The following HELZ variants were observed in gnomAD, a reference collection of about 807,000 sequenced individuals.
The protein encoded by HELZ is helicase with zinc finger.
A neutral mutation model predicts 218.2 loss-of-function variants in HELZ; 23 were observed. The ratio of observed to expected loss-of-function variants is 0.11; its 90% CI spans 0.08 to 0.15. HELZ has a LOEUF of 0.15. Among genes scored for constraint, HELZ ranks in the 10% least tolerant of loss-of-function variants. HELZ has a pLI of 1.00. For missense variants in HELZ, 1,813 were observed against 2,353.7 expected (o/e 0.77, Z 4.75); for synonymous variants, 814 against 829.4 (o/e 0.98, Z 0.32).
At position 67,196,428 on chromosome 17, in the gene HELZ, G is replaced by A. The variant is rs185681552; in HGVS notation, c.430-958C>T. 1.2e-4 allele frequency among the ~76,000 whole-genome samples: 18 copies of A among 152,314 alleles called. No individual in the cohort carries two copies. In the East Asian group the frequency reaches 3.3e-3, roughly 28 times the overall value. Reference sequence around the variant, plus strand: ...TATTTTACATGCTAGATCGTTATCAGCGATATACACATCTGCTGTCAGCAG... The same window carrying A: ...TATTTTACATGCTAGATCGTTATCAACGATATACACATCTGCTGTCAGCAG... On this transcript the variant is annotated intron_variant, in intron 7 of 32. Coordinates refer to ENST00000358691, the MANE Select transcript of HELZ (RefSeq NM_014877.4).
At chr17:67,154,466 G>T (rs1441144818) in intron 17 of HELZ, among the ~76,000 whole-genome samples, 3 of 151,960 alleles carry the variant, frequency 2.0e-5, no homozygotes, top group African/African-American at 7.2e-5. Flanking sequence ...TAAAATAAAA[G>T]AGTAATTCTT....
intron 31 of HELZ, among the ~76,000 whole-genome samples, chr17:67,094,861 G>A (rs1164084588): frequency 1.3e-5 from 2 of 152,088 alleles, no homozygotes; most frequent in Non-Finnish European, 2.9e-5. Context: ...GTGATTCTCT[G>A]GCTAAAAAAC....
chr17:67,195,247 G>C (rs552409171), intron 8 of HELZ, among the ~76,000 whole-genome samples, 172 bp downstream of exon 8: 1 of 152,248 alleles, frequency 6.6e-6, no homozygotes, highest in African/African-American at 2.4e-5. Context: ...ATGAAAAGGT[G>C]CCAGGGAGAA....
At chr17:67,225,345 G>A (rs528754104) in intron 3 of HELZ, 3 of 167,968 alleles carry the variant, frequency 1.8e-5, no homozygotes, top group South Asian at 3.0e-4. Context: ...GACAGAGGCA[G>A]GATTCAAATC....
In HELZ at chr17:67,109,687, C is replaced by A. The variant is rs1488671714; in HGVS notation, c.3919-1G>T. On this transcript the variant is annotated splice_acceptor_variant, in intron 28 of 32. Coordinates refer to ENST00000358691, the MANE Select transcript of HELZ (RefSeq NM_014877.4). LOFTEE classifies it high-confidence loss of function. ...TCTGTGGATTTGATTCCAAATCAAC[C>A]TAGAAAAAAAGAAGAAGCCTTTTTT... 6.3e-7 allele frequency: 1 copy of A among 1,591,054 alleles called. No individual in the cohort carries two copies. Among genetic ancestry groups the A allele is most frequent in the Admixed American group, 1.8e-5 (1 of 55,340 alleles).
chr17:67,159,862 CCA>C (rs1452527655), intron 17 of HELZ, among the ~76,000 whole-genome samples: 1 of 152,034 alleles, frequency 6.6e-6, no homozygotes, highest in Non-Finnish European at 1.5e-5. Context: ...ATGATCACAG[CCA>C]AAATTTTATT....
intron 17 of HELZ, among the ~76,000 whole-genome samples, chr17:67,158,248 C>T (rs2038899624): frequency 6.6e-6 from 1 of 152,122 alleles, no homozygotes; most frequent in South Asian, 2.1e-4. Flanking sequence ...GAGCCTTGCT[C>T]CCTAGAGACA....
chr17:67,085,784 T>C (rs905971044), intron 32 of HELZ, among the ~76,000 whole-genome samples: 6 of 152,100 alleles, frequency 3.9e-5, no homozygotes, highest in African/African-American at 1.4e-4. Context: ...AATTAGAGAA[T>C]TCAAGCAGTA....
intron 23 of HELZ, among the ~76,000 whole-genome samples, chr17:67,129,454 A>T (rs1276943611): frequency 2.0e-5 from 3 of 152,080 alleles, no homozygotes; most frequent in Non-Finnish European, 4.4e-5. Context: ...TATAAGGCCA[A>T]AGTAGCCTAG....
chr17:67,089,561 G>C (rs2036495717), intron 31 of HELZ, among the ~76,000 whole-genome samples: 1 of 150,070 alleles, frequency 6.7e-6, no homozygotes, highest in Non-Finnish European at 1.5e-5. Flanking sequence ...ATTATGTTAT[G>C]AATATGATTA....
intron 6 of HELZ, among the ~76,000 whole-genome samples, chr17:67,201,630 C>T (rs1182863352): frequency 1.3e-5 from 2 of 152,080 alleles, no homozygotes; most frequent in Non-Finnish European, 2.9e-5. Flanking sequence ...AAAAATGGCT[C>T]TTTAATAAAA....
At chr17:67,244,613 G>A (rs912152451) in intron 1 of HELZ, 23 of 927,124 alleles carry the variant, frequency 2.5e-5, no homozygotes, top group Admixed American at 6.2e-5. Context: ...TGAATCTCGG[G>A]CCGAGAGCCC....
intron 20 of HELZ, among the ~76,000 whole-genome samples, chr17:67,146,461 T>A (rs761989391): frequency 1.3e-5 from 2 of 152,224 alleles, no homozygotes; most frequent in Non-Finnish European, 2.9e-5. Context: ...TGTAGTAGGC[T>A]ATGCCATCTA....
In HELZ at chr17:67,078,465, G is replaced by C. The variant is rs769194308; in HGVS notation, c.5616C>G (p.Asn1872Lys). 6.3e-7 allele frequency: 1 copy of C among 1,591,180 alleles called. No individual in the cohort carries two copies. The highest frequency in any genetic ancestry group is 8.5e-7 in the Non-Finnish European group (1 of 1,171,120). ...HLGQFPPLMP[N>K]KQIAESANSS... Reference sequence around the variant, plus strand: ...TATTGGCCGACTCCGCGATCTGCTTGTTAGGCATAAGGGGTGGAAACTGGC... The same window carrying C: ...TATTGGCCGACTCCGCGATCTGCTTCTTAGGCATAAGGGGTGGAAACTGGC... Residue 1872 changes from asparagine to lysine, a missense_variant, in exon 33 of 33, where the codon AAC (asparagine) becomes AAG (lysine). Asn to Lys is a moderately conservative substitution (Grantham distance 94). Around this residue, in one of 4 missense-constraint regions of HELZ, gnomAD observed 938 missense variants for 1,027.5 expected, o/e 0.91. Transcript: ENST00000358691.
intron 5 of HELZ, among the ~76,000 whole-genome samples, chr17:67,214,888 G>A (rs113961967): frequency 0.21 from 31,517 of 152,036 alleles, 3,515 homozygotes; most frequent in African/African-American, 0.29. Flanking sequence ...GCTCATGCCT[G>A]TAATCCCAGC....
chr17:67,230,307 A>T (rs1015063229), intron 3 of HELZ, among the ~76,000 whole-genome samples: 1 of 152,174 alleles, frequency 6.6e-6, no homozygotes, highest in Non-Finnish European at 1.5e-5. Flanking sequence ...ATACTTAAGA[A>T]GCAAGCAAGG....
At position 67,188,941 on chromosome 17, in the gene HELZ, G is replaced by C. The variant is rs1240416354; in HGVS notation, c.865-325C>G. On this transcript the variant is annotated intron_variant, in intron 11 of 32. Transcript: ENST00000358691. This position sits in a 1 kb window ranked among gnomAD's most constrained non-coding sequence, Gnocchi z 4.1. The stretch of plus-strand genomic sequence containing the variant: ...AGTTTCATGTAGCCTCAAGTAGGAA[G>C]CCTTCGTAAGAGGGCAGTTACCTCT... Among the ~76,000 whole-genome samples the C allele has an allele frequency of 6.6e-6, 1 of 152,092 alleles. No homozygotes were observed. Among genetic ancestry groups the C allele is most frequent in the Non-Finnish European group, 1.5e-5 (1 of 68,020 alleles).
chr17:67,219,516 G>A (rs980153849), intron 3 of HELZ, among the ~76,000 whole-genome samples: 1 of 152,220 alleles, frequency 6.6e-6, no homozygotes, highest in African/African-American at 2.4e-5. Context: ...GTGAACAGGA[G>A]TTCACCATAC....
chr17:67,231,598 A>G, intron 3 of HELZ, among the ~76,000 whole-genome samples: 1 of 151,834 alleles, frequency 6.6e-6, no homozygotes. Context: ...GTCGGAAAAA[A>G]AAAAAAAAAA....
Sources: allele counts gnomAD v4.1 joint callset (sites outside exome capture counted in the v4.1 genomes callset), GRCh38; gene constraint gnomAD v4.1.1; regional missense constraint gnomAD v4.1.1; non-coding constraint Gnocchi (gnomAD v3.1); transcripts MANE v1.5; gene names NCBI Gene and HGNC (gene_info 2026-07-23, HGNC 2026-07-21).